TANC1: variants seen among roughly 807,000 people sequenced by gnomAD.
TANC1 encodes protein TANC1.
TANC1 carries 77 observed loss-of-function variants against 149.7 expected under a neutral mutation model. The ratio of observed to expected loss-of-function variants is 0.51; its 90% CI spans 0.43 to 0.62. The LOEUF (loss-of-function observed/expected upper bound fraction) is 0.62, where lower values mean the gene tolerates loss of function less well. TANC1 is among the 20% of genes least tolerant of loss of function. TANC1 has a pLI of 0.00. For missense variants in TANC1, 1,985 were observed against 2,321.8 expected, an observed-to-expected ratio of 0.85 and a Z score of 2.98; for synonymous variants, 854 against 925.0, an observed-to-expected ratio of 0.92 and a Z score of 1.39.
At chr2:159,210,313 A>G (rs1241626771) in intron 19 of TANC1, among the ~76,000 whole-genome samples, 2 of 152,208 alleles carry the variant, frequency 1.3e-5, no homozygotes, top group African/African-American at 2.4e-5. Flanking sequence ...TCTGTAAGCC[A>G]AGCGATCCTG....
chr2:159,141,594 A>T (rs1179945849), intron 5 of TANC1, among the ~76,000 whole-genome samples: 1 of 152,208 alleles, frequency 6.6e-6, no homozygotes, highest in East Asian at 1.9e-4. Flanking sequence ...GAGACTTCAA[A>T]GTGCTGGTGG....
intron 8 of TANC1, among the ~76,000 whole-genome samples, chr2:159,166,543 G>T (rs1197851264): frequency 6.6e-6 from 1 of 152,148 alleles, no homozygotes; most frequent in Non-Finnish European, 1.5e-5. Flanking sequence ...TGGGTTTATT[G>T]TAGCATGAAA....
chr2:159,043,558 G>A (rs559002445), intron 2 of TANC1, among the ~76,000 whole-genome samples: 84 of 152,260 alleles, frequency 5.5e-4, no homozygotes, highest in Admixed American at 6.5e-4. Flanking sequence ...AATAACATGC[G>A]TGCTTTAGTG....
At chr2:159,201,766 T>G (rs11887045) in intron 19 of TANC1, among the ~76,000 whole-genome samples, 53 of 152,330 alleles carry the variant, frequency 3.5e-4, no homozygotes, top group African/African-American at 1.3e-3. Context: ...TTTTGAAACC[T>G]TAAGTATGTT....
chr2:159,158,832 G>C (rs1040611388), intron 7 of TANC1, among the ~76,000 whole-genome samples: 8 of 152,344 alleles, frequency 5.3e-5, no homozygotes, highest in African/African-American at 1.4e-4. Flanking sequence ...AATGGTACCG[G>C]GTCTGGAGAC....
Position 159,230,466 on chromosome 2 carries a change from T to C in TANC1, c.5040T>C (p.Ser1680=). 3 of 1,614,096 alleles carry C rather than the reference T, an allele frequency of 1.9e-6. No homozygotes were observed. Among genetic ancestry groups the C allele is most frequent in the Non-Finnish European group, 8.5e-7 (1 of 1,180,022 alleles). The change falls in exon 27 of 27, where the codon AGT becomes AGC. Residue 1680 remains serine, a synonymous_variant. Coordinates refer to ENST00000263635, the MANE Select transcript of TANC1 (RefSeq NM_033394.3). The surrounding 1 kb of genome is among the most constrained non-coding windows in gnomAD (Gnocchi z 4.4). ...SSSIKMSSST[S]SLTSSSSFSD... is the part of the protein sequence containing the mutation. Reference sequence around the variant, plus strand: ...GCATAAAGATGTCAAGTTCAACCAGTAGTTTGACTTCGAGCAGCAGTTTTT... The same window carrying C: ...GCATAAAGATGTCAAGTTCAACCAGCAGTTTGACTTCGAGCAGCAGTTTTT...
intron 3 of TANC1, among the ~76,000 whole-genome samples, chr2:159,095,751 AAAAAAGT>A (rs2046052104): frequency 1.3e-5 from 2 of 151,242 alleles, no homozygotes; most frequent in Non-Finnish European, 2.9e-5. Context: ...AAAAAAAAAA[AAAAAAGT>A]AAGGCATGTA....
chr2:159,186,785 C>A, intron 15 of TANC1, 117 bp from the exon 16 acceptor site: 1 of 1,309,300 alleles, frequency 7.6e-7, no homozygotes, highest in Non-Finnish European at 1.1e-6. Context: ...GTGCCTTCTG[C>A]AGGTATCTGC....
chr2:159,128,666 T>C (rs1436061579), intron 4 of TANC1, among the ~76,000 whole-genome samples: 1 of 152,188 alleles, frequency 6.6e-6, no homozygotes, highest in African/African-American at 2.4e-5. Flanking sequence ...AGCCAGCCCA[T>C]GTTCCTGTTA....
In TANC1 at chr2:159,229,625, G is replaced by A. The variant is rs1330274559; in HGVS notation, c.4199G>A (p.Cys1400Tyr). The change falls in exon 27 of 27, where the codon TGT becomes TAT. Residue 1400 changes from cysteine (C) to tyrosine (Y), a missense_variant. Transcript: ENST00000263635. ...GACCTGCAAGAGGCTGTGAAACTCT[G>A]TCCCACCAATCAGGAAGTCAAGAGG... ...LADLQEAVKLCPTNQEVKRLL... is the reference protein window; with the variant it reads ...LADLQEAVKLYPTNQEVKRLL... 1 of 1,613,758 alleles carries A rather than the reference G, an allele frequency of 6.2e-7. No individual in the cohort carries two copies. Among genetic ancestry groups the A allele is most frequent in the African/African-American group, 1.3e-5 (1 of 74,898 alleles).
At position 159,174,973 on chromosome 2, in the gene TANC1, C is replaced by T; in HGVS notation, c.1524C>T (p.Cys508=). The part of the protein sequence containing the change: ...LASKVVAYHY[C]QADNTYTCLV... ...CCTAGGTGGTGGCCTACCACTACTG[C>T]CAGGCTGACAACACGTACACTTGCC... Residue 508 remains cysteine, a synonymous_variant, in exon 12 of 27, where the codon TGC becomes TGT. Coordinates refer to ENST00000263635, the MANE Select transcript of TANC1 (RefSeq NM_033394.3). 1 of 1,614,004 alleles carries T rather than the reference C, an allele frequency of 6.2e-7. No homozygotes were observed. The highest frequency in any genetic ancestry group is 8.5e-7 in the Non-Finnish European group (1 of 1,179,950).
intron 16 of TANC1, among the ~76,000 whole-genome samples, chr2:159,189,842 T>C (rs2057307128): frequency 6.6e-6 from 1 of 152,186 alleles, no homozygotes; most frequent in African/African-American, 2.4e-5. Context: ...GGCCAGGGTA[T>C]TGGAAACTTT....
At chr2:159,108,931 T>TTC (rs745640768) in intron 4 of TANC1, among the ~76,000 whole-genome samples, 2 of 152,128 alleles carry the variant, frequency 1.3e-5, no homozygotes, top group African/African-American at 2.4e-5. Flanking sequence ...ATCGAGATAG[T>TTC]TAACTGTGCC....
chr2:159,220,393 C>T (rs572216053), intron 22 of TANC1, among the ~76,000 whole-genome samples: 3 of 142,452 alleles, frequency 2.1e-5, no homozygotes, highest in East Asian at 4.3e-4. Context: ...CTGCAACTTC[C>T]GCCTCCTGGG....
intron 4 of TANC1, among the ~76,000 whole-genome samples, chr2:159,099,575 A>G (rs2046466497): frequency 6.6e-6 from 1 of 151,894 alleles, no homozygotes; most frequent in African/African-American, 2.4e-5. Flanking sequence ...ACTTTCTCCT[A>G]GGTCTGTGTG....
intron 11 of TANC1, among the ~76,000 whole-genome samples, chr2:159,173,314 A>T (rs911748757): frequency 2.6e-5 from 4 of 152,154 alleles, no homozygotes; most frequent in Non-Finnish European, 4.4e-5. Context: ...CTCTAAATTG[A>T]TTTCAAGGCC....
chr2:159,225,433 T>G, intron 23 of TANC1: 21 of 546,392 alleles, frequency 3.8e-5, no homozygotes, highest in Middle Eastern at 4.9e-4. Flanking sequence ...AAGGGAGGAA[T>G]GAGTTTTCGC....
intron 1 of TANC1, among the ~76,000 whole-genome samples, chr2:158,985,656 T>G (rs529044231): frequency 6.6e-6 from 1 of 152,292 alleles, no homozygotes; most frequent in East Asian, 1.9e-4. Context: ...TTTTCCCTTT[T>G]CTTCCAAGAC....
chr2:158,992,942 G>A (rs1452019076), intron 1 of TANC1, among the ~76,000 whole-genome samples: 3 of 148,750 alleles, frequency 2.0e-5, no homozygotes, highest in African/African-American at 4.9e-5. Flanking sequence ...ACCTTTACTC[G>A]TGTGTTCTCC....
Sources: gnomAD v4.1 joint callset for allele counts (sites outside exome capture counted in the v4.1 genomes callset) on GRCh38, gnomAD v4.1.1 for gene constraint, Gnocchi (gnomAD v3.1) non-coding constraint, MANE v1.5 for transcripts, NCBI Gene and HGNC (gene_info 2026-07-23, HGNC 2026-07-21) for gene names.